SEMA6D: variants seen among roughly 807,000 people sequenced by gnomAD.
SEMA6D encodes semaphorin 6D, also known as semaphorin-6D.
A neutral mutation model predicts 106.6 loss-of-function variants in SEMA6D; 35 were observed. The ratio of observed to expected loss-of-function variants is 0.33; its 90% CI spans 0.25 to 0.44. SEMA6D has a LOEUF of 0.44. Ranked by LOEUF, SEMA6D falls within the 20% of genes least tolerant of loss-of-function variation. SEMA6D has a pLI of 1.00. For synonymous variants in SEMA6D, 499 were observed against 487.7 expected, an observed-to-expected ratio of 1.02 and a Z score of -0.31; for missense variants, 1,185 against 1,345.9, an observed-to-expected ratio of 0.88 and a Z score of 1.87.
At chr15:47,357,315 C>A (rs568009691) in intron 1 of SEMA6D, among the ~76,000 whole-genome samples, 1 of 151,974 alleles carries the variant, frequency 6.6e-6, no homozygotes, top group Non-Finnish European at 1.5e-5. Context: ...TCCTGGGCGA[C>A]AGCAAGACTC....
chr15:47,633,065 A>C (rs775910820), intron 4 of SEMA6D, among the ~76,000 whole-genome samples: 2 of 152,140 alleles, frequency 1.3e-5, no homozygotes, highest in Admixed American at 1.3e-4. Flanking sequence ...CTTTTAAAAC[A>C]TAATTACCTT....
chr15:47,669,637 C>T (rs2078100873), intron 4 of SEMA6D, among the ~76,000 whole-genome samples: 2 of 152,196 alleles, frequency 1.3e-5, no homozygotes, highest in Admixed American at 1.3e-4. Flanking sequence ...AAGATGACCC[C>T]ACCGATCTCC....
At chr15:47,730,051 CATTTT>C (rs2080014361) in intron 1 of SEMA6D, 11 of 644,312 alleles carry the variant, frequency 1.7e-5, no homozygotes, top group South Asian at 6.1e-5. Flanking sequence ...TTTATCTTCC[CATTTT>C]ATTTTAGTTT....
At chr15:47,730,634 C>T (rs1406943621) in intron 1 of SEMA6D, 8 of 1,590,050 alleles carry the variant, frequency 5.0e-6, no homozygotes, top group Non-Finnish European at 6.9e-6. Flanking sequence ...TGTCTCTGGT[C>T]TGTACTTGTG....
At chr15:47,367,692 G>GCGCGCGCGCGCA (rs1219759915) in intron 1 of SEMA6D, among the ~76,000 whole-genome samples, 11 of 73,502 alleles carry the variant, frequency 1.5e-4, no homozygotes, top group East Asian at 7.7e-4. Context: ...GCGCGCGCGC[G>GCGCGCGCGCGCA]CACACACACA....
At chr15:47,346,879 T>A (rs1388886194) in intron 1 of SEMA6D, among the ~76,000 whole-genome samples, 2 of 152,072 alleles carry the variant, frequency 1.3e-5, no homozygotes, top group African/African-American at 4.8e-5. Context: ...GGTTTTGTGA[T>A]TCCACTGAAG....
At chr15:47,552,878 A>T (rs1275554108) in intron 3 of SEMA6D, among the ~76,000 whole-genome samples, 1 of 15,406 alleles carries the variant, frequency 6.5e-5, no homozygotes, top group African/African-American at 2.7e-4. Context: ...TTATATATAT[A>T]TAAATATATA....
At chr15:47,620,237 A>T (rs2077074845) in intron 4 of SEMA6D, among the ~76,000 whole-genome samples, 1 of 151,808 alleles carries the variant, frequency 6.6e-6, no homozygotes, top group Non-Finnish European at 1.5e-5. Context: ...GTGCACATGC[A>T]GTGAATGTTT....
intron 3 of SEMA6D, among the ~76,000 whole-genome samples, chr15:47,500,784 CTTTG>C (rs2043821232): frequency 6.6e-6 from 1 of 152,114 alleles, no homozygotes; most frequent in Non-Finnish European, 1.5e-5. Flanking sequence ...TGCCTGATCT[CTTTG>C]TTTAACAGAG....
intron 3 of SEMA6D, among the ~76,000 whole-genome samples, chr15:47,483,801 C>T (rs2043219250): frequency 6.6e-6 from 1 of 152,108 alleles, no homozygotes; most frequent in African/African-American, 2.4e-5. Context: ...TTAAAAATCT[C>T]TTCATTTTCA....
rs565457790 is a variant in SEMA6D, at chr15:47,562,660, A to C, written c.-86-38205A>C. The stretch of plus-strand genomic sequence containing the variant: ...TTAAAATCACAAAGAGATACACGCT[A>C]GAATGACTATAGTAAAAAAGACAGA... On this transcript the variant is annotated intron_variant, in intron 3 of 19. Coordinates refer to the SEMA6D transcript ENST00000558014. Among the ~76,000 whole-genome samples, 5 of 152,232 alleles carry C rather than the reference A, an allele frequency of 3.3e-5. 1 individual carries two copies. The South Asian group carries it at 1.0e-3, about 32-fold the overall frequency.
intron 1 of SEMA6D, among the ~76,000 whole-genome samples, chr15:47,346,678 A>G (rs1048381416): frequency 6.6e-6 from 1 of 152,166 alleles, no homozygotes; most frequent in South Asian, 2.1e-4. Context: ...CTCTTTCTCT[A>G]TTTTTATAAA....
rs116983779 is a variant in SEMA6D, at chr15:47,327,923, A to G, written c.-238-84470A>G. Among the ~76,000 whole-genome samples, 561 of 152,310 alleles carry G rather than the reference A, an allele frequency of 3.7e-3. 2 individuals carry two copies. The highest frequency in any genetic ancestry group is 6.1e-3 in the Admixed American group (94 of 15,300). ...TATTAATAGTTTTTTTCATTTAACT[A>G]TCTCAGCGTTATACCTATTATGTTT... On this transcript the variant is annotated intron_variant, in intron 1 of 19. Transcript: ENST00000558014.
At chr15:47,422,735 G>T (rs1352309379) in intron 2 of SEMA6D, among the ~76,000 whole-genome samples, 1 of 152,032 alleles carries the variant, frequency 6.6e-6, no homozygotes, top group Non-Finnish European at 1.5e-5. Context: ...ACCTGTAAAA[G>T]ATTTATCACT....
At chr15:47,660,357 C>T (rs1450951161) in intron 4 of SEMA6D, among the ~76,000 whole-genome samples, 1 of 152,120 alleles carries the variant, frequency 6.6e-6, no homozygotes, top group Non-Finnish European at 1.5e-5. Context: ...CAGACCTCGA[C>T]ACAATGTGAT....
intron 1 of SEMA6D, among the ~76,000 whole-genome samples, chr15:47,218,495 T>C (rs1038873856): frequency 6.6e-6 from 1 of 152,166 alleles, no homozygotes; most frequent in Admixed American, 6.6e-5. Context: ...ACACAATCTG[T>C]TGGAAATTGG....
chr15:47,523,189 C>T (rs1426512136), intron 3 of SEMA6D, among the ~76,000 whole-genome samples: 1 of 152,162 alleles, frequency 6.6e-6, no homozygotes, highest in Non-Finnish European at 1.5e-5. Flanking sequence ...GCCTCTCTGC[C>T]AGGCATTGGG....
intron 1 of SEMA6D, among the ~76,000 whole-genome samples, chr15:47,729,095 C>T (rs1596818175): frequency 6.6e-6 from 1 of 152,188 alleles, no homozygotes; most frequent in Non-Finnish European, 1.5e-5. Context: ...AGTCAGAATT[C>T]ACACCCAAGG....
At chr15:47,601,381 C>T (rs2076655195) in intron 4 of SEMA6D, among the ~76,000 whole-genome samples, 1 of 152,114 alleles carries the variant, frequency 6.6e-6, no homozygotes, top group South Asian at 2.1e-4. Flanking sequence ...TGTAACTTTC[C>T]AGGAGTATCT....
Sources: allele counts gnomAD v4.1 joint callset (sites outside exome capture counted in the v4.1 genomes callset), GRCh38; gene constraint gnomAD v4.1.1; transcripts MANE v1.5; gene names NCBI Gene and HGNC (gene_info 2026-07-23, HGNC 2026-07-21).